Variants in ENOX1 observed in about 807,000 individuals in gnomAD.
ENOX1 encodes the protein candidate growth-related and time keeping constitutive hydroquinone (NADH) oxidase.
Under a neutral mutation model 82.5 loss-of-function variants are expected in ENOX1, and 42 were observed. The observed-to-expected ratio is 0.51, with a 90% CI of 0.40 to 0.66. ENOX1 has a LOEUF of 0.66. ENOX1 is among the 30% of genes least tolerant of loss of function. The pLI is 0.00. For missense variants in ENOX1, 608 were observed against 811.6 expected, an observed-to-expected ratio of 0.75 and a Z score of 3.05; for synonymous variants, 271 against 282.2, an observed-to-expected ratio of 0.96 and a Z score of 0.40.
At chr13:43,544,758 A>G (rs905613583) in intron 2 of ENOX1, 2 of 152,150 alleles carry the variant, frequency 1.3e-5, no homozygotes, top group African/African-American at 2.4e-5. Flanking sequence ...AGTAAGCGTC[A>G]CCTTACCTGG....
intron 5 of ENOX1, among the ~76,000 whole-genome samples, chr13:43,370,401 T>C (rs1334073242): frequency 3.9e-5 from 6 of 152,164 alleles, no homozygotes; most frequent in Non-Finnish European, 7.4e-5. Context: ...GCAAATCTTC[T>C]TAGACTCCCT....
At chr13:43,475,391 C>G (rs1223049964) in intron 3 of ENOX1, among the ~76,000 whole-genome samples, 1 of 152,044 alleles carries the variant, frequency 6.6e-6, no homozygotes, top group East Asian at 1.9e-4. Flanking sequence ...GATTTAGGCT[C>G]AATTATGAAA....
Position 43,660,632 on chromosome 13 carries a change from A to G in ENOX1, c.-219+6847T>C, listed in dbSNP as rs559380827. Among the ~76,000 whole-genome samples the G allele has an allele frequency of 9.2e-5, 14 of 152,318 alleles. No individual in the cohort carries two copies. In the East Asian group the frequency reaches 2.7e-3, roughly 29 times the overall value. ...TCTCTATTTCAAAACAGTCTCTAAA[A>G]CTTCTGAAAAAGATGAACAATTAAA... On this transcript the variant is annotated intron_variant, in intron 2 of 16. Coordinates refer to ENST00000690772, the MANE Select transcript of ENOX1 (RefSeq NM_001347969.2).
intron 12 of ENOX1, among the ~76,000 whole-genome samples, chr13:43,288,092 T>C (rs2045802781): frequency 6.6e-6 from 1 of 152,190 alleles, no homozygotes; most frequent in African/African-American, 2.4e-5. Context: ...CCTGTTATTA[T>C]AATGCACCAT....
At chr13:43,409,313 C>T (rs982292250) in intron 5 of ENOX1, among the ~76,000 whole-genome samples, 1 of 152,036 alleles carries the variant, frequency 6.6e-6, no homozygotes, top group Non-Finnish European at 1.5e-5. Flanking sequence ...TGTACTAGTT[C>T]CACATGTAGG....
intron 5 of ENOX1, among the ~76,000 whole-genome samples, chr13:43,385,636 G>A (rs2052361587): frequency 6.6e-6 from 1 of 152,092 alleles, no homozygotes; most frequent in African/African-American, 2.4e-5. Flanking sequence ...TTATTTACAT[G>A]AGAAAATTTT....
intron 2 of ENOX1, among the ~76,000 whole-genome samples, chr13:43,642,239 C>T (rs1043381409): frequency 1.4e-4 from 22 of 152,124 alleles, no homozygotes; most frequent in Non-Finnish European, 3.1e-4. Flanking sequence ...CACATATGAA[C>T]ACCCAGGTCC....
chr13:43,471,839 A>G (rs2058083221), intron 3 of ENOX1, among the ~76,000 whole-genome samples: 1 of 151,716 alleles, frequency 6.6e-6, no homozygotes, highest in African/African-American at 2.4e-5. Flanking sequence ...AGAAAGAAAG[A>G]AATGTGTCCA....
intron 2 of ENOX1, among the ~76,000 whole-genome samples, chr13:43,664,773 T>C (rs2084898866): frequency 6.6e-6 from 1 of 152,204 alleles, no homozygotes; most frequent in African/African-American, 2.4e-5. Flanking sequence ...ATTTGGTATT[T>C]GGTGGAACTC....
At chr13:43,338,694 T>G (rs1477419206) in intron 9 of ENOX1, among the ~76,000 whole-genome samples, 1 of 139,778 alleles carries the variant, frequency 7.2e-6, no homozygotes, top group African/African-American at 2.7e-5. Context: ...TTTTTTTTTT[T>G]TTTTTTTTTG....
intron 3 of ENOX1, among the ~76,000 whole-genome samples, chr13:43,441,388 T>C (rs1257588450): frequency 5.9e-5 from 9 of 152,176 alleles, no homozygotes; most frequent in Admixed American, 1.3e-4. Context: ...TATAAATCAG[T>C]ATCTCAGCTC....
intron 2 of ENOX1, among the ~76,000 whole-genome samples, chr13:43,504,052 T>C (rs2077067259): frequency 6.6e-6 from 1 of 151,764 alleles, no homozygotes; most frequent in Non-Finnish European, 1.5e-5. Flanking sequence ...TAGACATTTC[T>C]CTGAAGAAGA....
intron 2 of ENOX1, chr13:43,544,227 C>G (rs1426936288): frequency 6.6e-6 from 1 of 152,160 alleles, no homozygotes; most frequent in Non-Finnish European, 1.5e-5. Context: ...ATCAGAATCA[C>G]TTTCTTGCTG....
At chr13:43,729,448 C>G (rs1278487570) in intron 1 of ENOX1, among the ~76,000 whole-genome samples, 1 of 151,496 alleles carries the variant, frequency 6.6e-6, no homozygotes, top group African/African-American at 2.4e-5. Context: ...ATACGACAGA[C>G]AAAAAAAATG....
chr13:43,297,351 A>T (rs563259959), intron 12 of ENOX1, among the ~76,000 whole-genome samples: 27 of 152,170 alleles, frequency 1.8e-4, no homozygotes, highest in African/African-American at 6.5e-4. Flanking sequence ...TGGGGGAATT[A>T]AAAAAAATTG....
At chr13:43,643,500 T>C (rs1397919834) in intron 2 of ENOX1, among the ~76,000 whole-genome samples, 1 of 152,128 alleles carries the variant, frequency 6.6e-6, no homozygotes, top group Non-Finnish European at 1.5e-5. Context: ...ATTTTAAAAG[T>C]TTAGGCATAT....
chr13:43,654,570 A>T (rs1452401430), intron 2 of ENOX1, among the ~76,000 whole-genome samples: 1 of 152,226 alleles, frequency 6.6e-6, no homozygotes, highest in African/African-American at 2.4e-5. Context: ...GTTGATCTTG[A>T]TTGCAATGTA....
chr13:43,247,875 A>T (rs1272104909), intron 14 of ENOX1, among the ~76,000 whole-genome samples: 3,924 of 7,978 alleles, frequency 0.49, 684 homozygotes, highest in East Asian at 0.66. Flanking sequence ...ATATATATAT[A>T]TATATATATT....
intron 2 of ENOX1, among the ~76,000 whole-genome samples, chr13:43,615,342 C>T (rs567252947): frequency 5.9e-5 from 9 of 152,080 alleles, no homozygotes; most frequent in Admixed American, 3.3e-4. Context: ...CCAAAAGAGG[C>T]GGAGCAAGGC....
Sources: gnomAD v4.1 joint callset for allele counts (sites outside exome capture counted in the v4.1 genomes callset) on GRCh38, gnomAD v4.1.1 for gene constraint, MANE v1.5 for transcripts, NCBI Gene and HGNC (gene_info 2026-07-23, HGNC 2026-07-21) for gene names.